PYHIN1: variants seen among roughly 807,000 people sequenced by gnomAD.
The protein encoded by PYHIN1 is pyrin and HIN domain family member 1.
Under a neutral mutation model 43.7 loss-of-function variants are expected in PYHIN1, and 32 were observed. The observed-to-expected ratio is 0.73, with a 90% confidence interval of 0.55 to 0.98. PYHIN1 has a LOEUF of 0.98. PYHIN1 is among the 50% of genes least tolerant of loss of function. PYHIN1 has a pLI of 0.00. For synonymous variants in PYHIN1, 205 were observed against 203.1 expected (o/e 1.01, Z -0.08); for missense variants, 588 against 589.5 (o/e 1.00, Z 0.03).
downstream of PYHIN1, among the ~76,000 whole-genome samples, chr1:158,980,259 T>G (rs565432933): frequency 1.3e-5 from 2 of 152,296 alleles, no homozygotes; most frequent in South Asian, 4.1e-4. Context: ...AGGACCACTG[T>G]GATAATTGTT....
intron 7 of PYHIN1, among the ~76,000 whole-genome samples, chr1:158,952,794 C>T (rs139731961): frequency 3.3e-4 from 51 of 152,320 alleles, no homozygotes; most frequent in Non-Finnish European, 6.8e-4. Context: ...CAGCTCCCAG[C>T]GTAAGCGACG....
chr1:158,989,285 G>A, the PYHIN1 span, among the ~76,000 whole-genome samples: 1 of 152,146 alleles, frequency 6.6e-6, no homozygotes, highest in Non-Finnish European at 1.5e-5. Context: ...TTAAGACATT[G>A]GGGAATGTTG....
At chr1:158,951,542 C>T (rs978713315) in intron 7 of PYHIN1, among the ~76,000 whole-genome samples, 3 of 152,166 alleles carry the variant, frequency 2.0e-5, no homozygotes, top group South Asian at 2.1e-4. Context: ...AAACCCAGAT[C>T]GAGTGATTGA....
At chr1:158,938,285 A>G in intron 2 of PYHIN1, 112 bp from the exon 3 acceptor site, 1 of 1,186,584 alleles carries the variant, frequency 8.4e-7, no homozygotes, top group Non-Finnish European at 1.2e-6. Context: ...GAGATAGACT[A>G]AAATACACCT....
the PYHIN1 span, among the ~76,000 whole-genome samples, chr1:158,986,726 A>G: frequency 1.3e-5 from 2 of 152,170 alleles, no homozygotes; most frequent in African/African-American, 4.8e-5. Flanking sequence ...AGCCACCTAG[A>G]GGAGTATGGC....
At chr1:158,982,799 A>G in the PYHIN1 span, among the ~76,000 whole-genome samples, 2 of 152,022 alleles carry the variant, frequency 1.3e-5, no homozygotes, top group Non-Finnish European at 2.9e-5. Flanking sequence ...ATTTGTTTGT[A>G]TCATCTCTAA....
Position 158,976,858 on chromosome 1 carries a change from GGTTGAAATAC to G in PYHIN1, c.*164_*173del, listed in dbSNP as rs1571794591. The G allele has an allele frequency of 8.8e-4, 137 of 156,138 alleles. 33 individuals carry two copies. In the South Asian group the frequency reaches 9.4e-3, roughly 11 times the overall value. 9.7% of individuals were successfully genotyped at this position (156,138 alleles called of 1,614,324 possible). ...GAAAATAATATATGTATATATATCT[GGTTGAAATAC>G]TATATATATATATATATATATATAT... On this transcript the variant is annotated 3_prime_UTR_variant, in exon 9 of 9. Coordinates refer to ENST00000368140, the MANE Select transcript of PYHIN1 (RefSeq NM_152501.5).
At chr1:158,967,025 A>G (rs1195741325) in intron 7 of PYHIN1, among the ~76,000 whole-genome samples, 1 of 152,194 alleles carries the variant, frequency 6.6e-6, no homozygotes, top group Non-Finnish European at 1.5e-5. Context: ...TTCAGGATAC[A>G]AAATCAATAT....
chr1:158,938,022 G>A (rs16841352), intron 2 of PYHIN1, among the ~76,000 whole-genome samples: 1,977 of 152,064 alleles, frequency 0.013, 18 homozygotes, highest in Non-Finnish European at 0.021. Flanking sequence ...CCTTTCACTA[G>A]TTTCTGTAAT....
At chr1:158,975,687 G>A (rs1021644841) in intron 8 of PYHIN1, among the ~76,000 whole-genome samples, 1 of 152,072 alleles carries the variant, frequency 6.6e-6, no homozygotes, top group African/African-American at 2.4e-5. Flanking sequence ...AACGTGTTCT[G>A]CTCTAGACAA....
chr1:158,952,186 C>T (rs1424050935), intron 7 of PYHIN1, among the ~76,000 whole-genome samples: 1 of 151,312 alleles, frequency 6.6e-6, no homozygotes, highest in East Asian at 2.0e-4. Flanking sequence ...TGCCTCCTGC[C>T]CCTCCCCAGC....
the PYHIN1 span, among the ~76,000 whole-genome samples, chr1:158,988,306 T>C: frequency 6.6e-6 from 1 of 152,110 alleles, no homozygotes; most frequent in Non-Finnish European, 1.5e-5. Flanking sequence ...AAGAATGAGG[T>C]ATATAATATA....
chr1:158,934,880 C>T (rs778720722), intron 1 of PYHIN1, among the ~76,000 whole-genome samples: 42 of 152,100 alleles, frequency 2.8e-4, no homozygotes, highest in Non-Finnish European at 5.3e-4. Flanking sequence ...CAGGCACCCA[C>T]CACCATGCCT....
intron 5 of PYHIN1, among the ~76,000 whole-genome samples, chr1:158,942,901 C>T (rs1185697625): frequency 6.6e-6 from 1 of 151,938 alleles, no homozygotes; most frequent in Non-Finnish European, 1.5e-5. Flanking sequence ...AATGTTCTGA[C>T]CAAATGAAAT....
intron 4 of PYHIN1, chr1:158,939,683 T>C (rs1648795009): frequency 3.0e-6 from 2 of 662,286 alleles, no homozygotes; most frequent in Non-Finnish European, 5.4e-6. Flanking sequence ...GATCCCAATA[T>C]TGAGATCTTA....
At chr1:158,975,214 T>G (rs1214421132) in intron 8 of PYHIN1, among the ~76,000 whole-genome samples, 1 of 122,602 alleles carries the variant, frequency 8.2e-6, no homozygotes, top group Non-Finnish European at 1.8e-5. Context: ...CTTTTGTATA[T>G]CATAGATCAT....
At chr1:158,937,512 CAATT>C (rs796562367) in intron 2 of PYHIN1, among the ~76,000 whole-genome samples, 72 of 152,262 alleles carry the variant, frequency 4.7e-4, no homozygotes, top group Middle Eastern at 3.4e-3. Context: ...TACATTTAGT[CAATT>C]AATGTGTTCA....
intron 7 of PYHIN1, among the ~76,000 whole-genome samples, chr1:158,960,538 T>C (rs1189999416): frequency 6.6e-6 from 1 of 152,194 alleles, no homozygotes; most frequent in East Asian, 1.9e-4. Context: ...GGTGTCCAAC[T>C]ACCACCCGAA....
intron 6 of PYHIN1, 104 bp downstream of exon 6, chr1:158,944,082 A>T: frequency 1.1e-6 from 1 of 884,996 alleles, no homozygotes. Flanking sequence ...AATTCTGCAG[A>T]GTTCATGAGA....
Sources: allele counts gnomAD v4.1 joint callset (sites outside exome capture counted in the v4.1 genomes callset), GRCh38; gene constraint gnomAD v4.1.1; transcripts MANE v1.5; gene names NCBI Gene and HGNC (gene_info 2026-07-23, HGNC 2026-07-21).